TFRC: variants seen among roughly 807,000 people sequenced by gnomAD.
TFRC encodes transferrin receptor, also known as transferrin receptor protein 1.
Under a neutral mutation model 85.8 loss-of-function variants are expected in TFRC, and 35 were observed. The observed-to-expected ratio is 0.41, with a 90% confidence interval of 0.31 to 0.54. TFRC has a LOEUF of 0.54. Among genes scored for constraint, TFRC ranks in the 20% least tolerant of loss-of-function variants. The pLI, the probability that TFRC is intolerant of heterozygous loss-of-function variation, is 0.31. For synonymous variants in TFRC, 362 were observed against 328.6 expected (o/e 1.10, Z -1.10); for missense variants, 828 against 921.5 (o/e 0.90, Z 1.31).
intron 12 of TFRC, 25 bp downstream of exon 12, chr3:196,062,829 T>A (rs752550572): frequency 3.7e-6 from 6 of 1,610,854 alleles, no homozygotes; most frequent in Non-Finnish European, 2.5e-6. Context: ...TCGTGTCCAA[T>A]ATGGGAAGGG....
chr3:196,080,003 C>T (rs960688329), intron 1 of TFRC, among the ~76,000 whole-genome samples: 1 of 152,328 alleles, frequency 6.6e-6, no homozygotes, highest in East Asian at 1.9e-4. Flanking sequence ...AGTACTGGGG[C>T]ATGCCTGATG....
At chr3:196,076,963 G>T in intron 2 of TFRC, 101 bp downstream of exon 2, 1 of 1,104,774 alleles carries the variant, frequency 9.1e-7, no homozygotes, top group Non-Finnish European at 1.4e-6. Flanking sequence ...ATGAATACCT[G>T]ATAATAGATT....
At chr3:196,055,436 C>T in intron 16 of TFRC, 135 bp from the exon 17 acceptor site, 1 of 693,572 alleles carries the variant, frequency 1.4e-6, no homozygotes. Flanking sequence ...CAATTTACCC[C>T]AATTCTATCT....
Position 196,060,776 on chromosome 3 carries a change from T to C in TFRC, c.1469-529A>G, listed in dbSNP as rs552480365. On this transcript the variant is annotated intron_variant, in intron 13 of 18. Coordinates refer to ENST00000360110, the MANE Select transcript of TFRC (RefSeq NM_001128148.3). Reference sequence around the variant, plus strand: ...TGGCGCCACTGCACTCCAGCCTGGGTGACAAAGCGAGACTCCATCTCAAAA... The same window carrying C: ...TGGCGCCACTGCACTCCAGCCTGGGCGACAAAGCGAGACTCCATCTCAAAA... Among the ~76,000 whole-genome samples, 44 of 106,726 alleles carry C rather than the reference T, an allele frequency of 4.1e-4. 1 individual carries two copies. Among genetic ancestry groups the C allele is most frequent in the Non-Finnish European group, 6.9e-4 (40 of 58,368 alleles). 70.0% of individuals were successfully genotyped at this position (106,726 alleles called of 152,430 possible).
In TFRC at chr3:196,077,206, T is replaced by C. The variant is rs899690530; in HGVS notation, c.-23-84A>G. The C allele has an allele frequency of 4.4e-6, 4 of 905,670 alleles. No individual in the cohort carries two copies. In the East Asian group the frequency reaches 7.4e-5, roughly 17 times the overall value. The allele number at this position is 905,670 out of a possible 1,614,324, so 56.1% of individuals were successfully genotyped here. On this transcript the variant is annotated intron_variant, in intron 1 of 18. Transcript: ENST00000360110. ...TTCTATTACCAGGCTAAATGATACA[T>C]TAAATTTTTAAAATACATTATCACT...
intron 14 of TFRC, chr3:196,058,935 G>C (rs893152387): frequency 5.6e-6 from 1 of 177,712 alleles, no homozygotes; most frequent in African/African-American, 2.4e-5. Flanking sequence ...GGGAGGCCGA[G>C]CTGGGAGGAT....
At chr3:196,057,942 GT>G (rs3081468) in intron 16 of TFRC, 791 of 164,284 alleles carry the variant, frequency 4.8e-3, no homozygotes, top group Middle Eastern at 0.021. Flanking sequence ...AGGATTAAGG[GT>G]TTTTTTTTTT....
At position 196,062,594 on chromosome 3, in the gene TFRC, T is replaced by C. The variant is rs748927570; in HGVS notation, c.1456A>G (p.Lys486Glu). ...AAGGGATACTTACCAAGAACCGCTT[T>C]ATCCAGATTAATATAAGTGAAAGCC... ...LKAFTYINLDKAVLGTSNFKV... is the reference protein window; with the variant it reads ...LKAFTYINLDEAVLGTSNFKV... Residue 486 changes from lysine to glutamate, a missense_variant, in exon 13 of 19, where the codon AAA (lysine) becomes GAA (glutamate). Coordinates refer to ENST00000360110, the MANE Select transcript of TFRC (RefSeq NM_001128148.3). The C allele has an allele frequency of 6.2e-7, 1 of 1,608,154 alleles. No homozygotes were observed. The highest frequency in any genetic ancestry group is 8.5e-7 in the Non-Finnish European group (1 of 1,178,412).
chr3:196,062,634 C>G lies in TFRC; in HGVS notation c.1416G>C (p.Ser472=). Reference sequence around the variant, plus strand: ...AAGTGAAAGCCTTTAAATGCAGGGACGAAAGGTATCCCTAGAAGAGAAGGG... The same window carrying G: ...AAGTGAAAGCCTTTAAATGCAGGGAGGAAAGGTATCCCTAGAAGAGAAGGG... ...GATEWLEGYL[S]SLHLKAFTYI... The change falls in exon 13 of 19, where the codon TCG becomes TCC. Residue 472 remains serine, a synonymous_variant. Transcript: ENST00000360110. The G allele has an allele frequency of 6.2e-7, 1 of 1,609,392 alleles. No individual in the cohort carries two copies. Among genetic ancestry groups the G allele is most frequent in the Non-Finnish European group, 8.5e-7 (1 of 1,178,638 alleles).
At chr3:196,062,392 GTGTGGTAGTGAGCACC>G (rs759714169) in intron 13 of TFRC, 174 bp downstream of exon 13, 11 of 570,802 alleles carry the variant, frequency 1.9e-5, no homozygotes, top group Non-Finnish European at 3.4e-5. Flanking sequence ...AATTAGCTGG[GTGTGGTAGTGAGCACC>G]TGTAATCCCA....
chr3:196,078,589 G>A (rs1459050741), intron 1 of TFRC, among the ~76,000 whole-genome samples: 1 of 151,830 alleles, frequency 6.6e-6, no homozygotes, highest in Non-Finnish European at 1.5e-5. Flanking sequence ...CCCGGGAGGT[G>A]GAGGTTGCAG....
At chr3:196,064,456 G>C in intron 10 of TFRC, 28 bp from the exon 11 acceptor site, 1 of 1,563,166 alleles carries the variant, frequency 6.4e-7, no homozygotes, top group Non-Finnish European at 8.6e-7. Flanking sequence ...GAGGAAGAAA[G>C]AACTTATATA....
intron 16 of TFRC, chr3:196,057,904 G>C (rs1299087939): frequency 1.3e-5 from 2 of 154,964 alleles, no homozygotes; most frequent in Non-Finnish European, 2.8e-5. Context: ...CTGAAGAGAA[G>C]GGTCTCACCC....
chr3:196,072,416 T>C (rs949564077), intron 4 of TFRC, among the ~76,000 whole-genome samples: 3 of 152,158 alleles, frequency 2.0e-5, no homozygotes, highest in African/African-American at 7.2e-5. Context: ...CTGCTTAGGA[T>C]AGTTTTAGGG....
Position 196,062,625 on chromosome 3 carries a change from A to G in TFRC, c.1425T>C (p.His475=), listed in dbSNP as rs1378264030. The change falls in exon 13 of 19, where the codon CAT becomes CAC. Residue 475 remains histidine (H), a synonymous_variant. Coordinates refer to ENST00000360110, the MANE Select transcript of TFRC (RefSeq NM_001128148.3). The stretch of plus-strand genomic sequence containing the variant: ...GATTAATATAAGTGAAAGCCTTTAA[A>G]TGCAGGGACGAAAGGTATCCCTAGA... The part of the protein sequence containing the change: ...EWLEGYLSSL[H]LKAFTYINLD... 1 of 1,609,754 alleles carries G rather than the reference A, an allele frequency of 6.2e-7. No homozygotes were observed. Among genetic ancestry groups the G allele is most frequent in the South Asian group, 1.1e-5 (1 of 90,038 alleles).
At chr3:196,081,471 G>A (rs975548716) in intron 1 of TFRC, among the ~76,000 whole-genome samples, 2 of 152,230 alleles carry the variant, frequency 1.3e-5, no homozygotes, top group East Asian at 1.9e-4. Context: ...CCCGCCCGGA[G>A]CCCGGGGAAC....
Position 196,049,842 on chromosome 3 carries a change from T to A in TFRC, c.*2100A>T, listed in dbSNP as rs561395016. 395 of 230,968 alleles carry A rather than the reference T, an allele frequency of 1.7e-3. No homozygotes were observed. Among genetic ancestry groups the A allele is most frequent in the Admixed American group, 2.9e-3 (51 of 17,716 alleles). 14.3% of individuals were successfully genotyped at this position (230,968 alleles called of 1,614,324 possible). On this transcript the variant is annotated 3_prime_UTR_variant, in exon 19 of 19. Transcript: ENST00000360110. The stretch of plus-strand genomic sequence containing the variant: ...TGAAGATTAAAGAGACTGTGAGTAG[T>A]GACACATTCAAGTGAGGCTGTAAAT...
At chr3:196,053,363 T>C in intron 18 of TFRC, 55 bp downstream of exon 18, 1 of 1,601,860 alleles carries the variant, frequency 6.2e-7, no homozygotes, top group South Asian at 1.1e-5. Flanking sequence ...AAGTGTAAGA[T>C]TTATCGGTTA....
At chr3:196,075,555 C>T (rs1577253404) in intron 2 of TFRC, among the ~76,000 whole-genome samples, 195 bp from the exon 3 acceptor site, 1 of 152,092 alleles carries the variant, frequency 6.6e-6, no homozygotes, top group Middle Eastern at 3.4e-3. Context: ...TCAGTCTCTC[C>T]CTTTTTGTAA....
Sources: gnomAD v4.1 joint callset for allele counts (sites outside exome capture counted in the v4.1 genomes callset) on GRCh38, gnomAD v4.1.1 for gene constraint, MANE v1.5 for transcripts, NCBI Gene and HGNC (gene_info 2026-07-23, HGNC 2026-07-21) for gene names.